Variants in RASAL2 observed in about 807,000 individuals in gnomAD.
The protein encoded by RASAL2 is ras GTPase-activating protein nGAP.
In RASAL2, 58 loss-of-function variants were observed where a neutral mutation model predicts 128.9. That is an observed-to-expected ratio of 0.45 (90% CI 0.36 to 0.56). The LOEUF is 0.56. Ranked by LOEUF, RASAL2 falls within the 20% of genes least tolerant of loss-of-function variation. RASAL2 has a pLI of 0.00. For synonymous variants in RASAL2, 561 were observed against 580.8 expected, an observed-to-expected ratio of 0.97 and a Z score of 0.49; for missense variants, 1,360 against 1,601.6, an observed-to-expected ratio of 0.85 and a Z score of 2.57.
At chr1:178,342,068 A>G (rs932876771) in intron 3 of RASAL2, among the ~76,000 whole-genome samples, 6 of 152,218 alleles carry the variant, frequency 3.9e-5, no homozygotes, top group Admixed American at 2.6e-4. Flanking sequence ...AATCTGTGTC[A>G]TTCAAAAGTT....
intron 3 of RASAL2, among the ~76,000 whole-genome samples, chr1:178,302,128 TG>T (rs1667793559): frequency 6.6e-6 from 1 of 152,234 alleles, no homozygotes; most frequent in Admixed American, 6.5e-5. Flanking sequence ...ATAATTGTTC[TG>T]TTTTTTTATT....
At chr1:178,301,098 C>A (rs992162663) in intron 3 of RASAL2, among the ~76,000 whole-genome samples, 1 of 152,114 alleles carries the variant, frequency 6.6e-6, no homozygotes, top group Non-Finnish European at 1.5e-5. Context: ...GAATTTGAAT[C>A]CTTTTGGGCA....
chr1:178,151,392 G>A (rs1347782005), intron 1 of RASAL2, among the ~76,000 whole-genome samples: 1 of 152,158 alleles, frequency 6.6e-6, no homozygotes, highest in African/African-American at 2.4e-5. Flanking sequence ...GCAACAGAGT[G>A]AGACTCTGTC....
intron 17 of RASAL2, 52 bp from the exon 18 acceptor site, chr1:178,473,023 C>T (rs890168086): frequency 1.6e-5 from 25 of 1,590,194 alleles, no homozygotes; most frequent in African/African-American, 4.0e-5. Context: ...GTAAAGAAAG[C>T]GTGTTACCTC....
chr1:178,166,494 CTT>C (rs756823846), intron 1 of RASAL2, among the ~76,000 whole-genome samples: 6 of 152,132 alleles, frequency 3.9e-5, no homozygotes, highest in Non-Finnish European at 8.8e-5. Context: ...TAAAAATAAA[CTT>C]ATGTGAGTAA....
chr1:178,306,427 T>C (rs1306214192), intron 3 of RASAL2, among the ~76,000 whole-genome samples: 3 of 152,220 alleles, frequency 2.0e-5, no homozygotes. Context: ...ATGGGATGGC[T>C]GGGTCAAATG....
intron 1 of RASAL2, among the ~76,000 whole-genome samples, chr1:178,160,311 G>A (rs888804761): frequency 9.9e-5 from 15 of 152,158 alleles, no homozygotes; most frequent in Non-Finnish European, 1.5e-5. Context: ...TTAAGATCAG[G>A]TTGGTAATAA....
At chr1:178,181,590 T>G (rs1198957528) in intron 1 of RASAL2, among the ~76,000 whole-genome samples, 6 of 152,110 alleles carry the variant, frequency 3.9e-5, no homozygotes, top group Admixed American at 3.3e-4. Flanking sequence ...TACCTAACAT[T>G]CTTTTTCTGT....
At chr1:178,446,056 A>G (rs1042394369) in intron 9 of RASAL2, among the ~76,000 whole-genome samples, 10 of 152,192 alleles carry the variant, frequency 6.6e-5, no homozygotes, top group Non-Finnish European at 1.5e-4. Flanking sequence ...ACTCTAATCA[A>G]AAGTGAAGAA....
chr1:178,227,584 TTTGTTG>T (rs367887947), intron 1 of RASAL2, among the ~76,000 whole-genome samples: 1 of 152,116 alleles, frequency 6.6e-6, no homozygotes, highest in Non-Finnish European at 1.5e-5. Flanking sequence ...CTGGTTGTTT[TTTGTTG>T]TTGTTGTTGT....
chr1:178,362,724 T>G (rs1258460116), intron 3 of RASAL2, among the ~76,000 whole-genome samples: 1 of 151,110 alleles, frequency 6.6e-6, no homozygotes, highest in Non-Finnish European at 1.5e-5. Flanking sequence ...TTCATTATGT[T>G]TTTTTTTTAA....
At chr1:178,243,679 T>G (rs1359085545) in intron 1 of RASAL2, among the ~76,000 whole-genome samples, 2 of 151,906 alleles carry the variant, frequency 1.3e-5, no homozygotes, top group African/African-American at 4.8e-5. Flanking sequence ...AGGTCAGGCC[T>G]GGGTTGCCTT....
intron 3 of RASAL2, among the ~76,000 whole-genome samples, chr1:178,388,860 G>A (rs540917695): frequency 6.6e-6 from 1 of 152,306 alleles, no homozygotes; most frequent in Admixed American, 6.5e-5. Context: ...GGCAGTGGTT[G>A]GGCATCTGTT....
chr1:178,387,562 C>T (rs1672657006), intron 3 of RASAL2, among the ~76,000 whole-genome samples: 3 of 140,060 alleles, frequency 2.1e-5, no homozygotes, highest in Admixed American at 7.6e-5. Context: ...GTGTGATGTT[C>T]CCCTTCCTGT....
intron 1 of RASAL2, chr1:178,194,697 T>C (rs1296182566): frequency 5.6e-6 from 1 of 178,862 alleles, no homozygotes; most frequent in Non-Finnish European, 1.2e-5. Flanking sequence ...GCAGTCTATT[T>C]GGTTTGGGCC....
At chr1:178,408,932 C>G (rs772594686) in intron 4 of RASAL2, among the ~76,000 whole-genome samples, 3 of 152,062 alleles carry the variant, frequency 2.0e-5, no homozygotes, top group Non-Finnish European at 4.4e-5. Context: ...TGTTTTCACA[C>G]TACTGTAAAG....
intron 1 of RASAL2, among the ~76,000 whole-genome samples, chr1:178,216,235 T>C (rs1415957462): frequency 6.6e-6 from 1 of 152,236 alleles, no homozygotes; most frequent in East Asian, 1.9e-4. Flanking sequence ...TATGAAGAGT[T>C]ATAAATCAGA....
At chr1:178,212,852 G>T (rs1663301917) in intron 1 of RASAL2, among the ~76,000 whole-genome samples, 1 of 152,046 alleles carries the variant, frequency 6.6e-6, no homozygotes, top group African/African-American at 2.4e-5. Context: ...AGTCTCATTG[G>T]TGCCCACTAT....
intron 1 of RASAL2, among the ~76,000 whole-genome samples, chr1:178,195,759 CTAGA>C (rs1468478960): frequency 6.6e-6 from 1 of 151,986 alleles, no homozygotes; most frequent in East Asian, 1.9e-4. Context: ...TATACATTTT[CTAGA>C]TAGATCTATT....
Sources: allele counts gnomAD v4.1 joint callset (sites outside exome capture counted in the v4.1 genomes callset), GRCh38; gene constraint gnomAD v4.1.1; transcripts MANE v1.5; gene names NCBI Gene and HGNC (gene_info 2026-07-23, HGNC 2026-07-21).